MAP4K3: variants seen among roughly 807,000 people sequenced by gnomAD.
The protein encoded by MAP4K3 is MAPK/ERK kinase kinase kinase 3.
MAP4K3 carries 94 observed loss-of-function variants against 143.5 expected under a neutral mutation model. The observed-to-expected ratio is 0.65, with a 90% CI of 0.55 to 0.78. MAP4K3 has a LOEUF of 0.78. Among genes scored for constraint, MAP4K3 ranks in the 30% least tolerant of loss-of-function variants. The pLI is 0.00. For missense variants in MAP4K3, 1,077 were observed against 1,068.1 expected (o/e 1.01, Z -0.12); for synonymous variants, 416 against 347.2 (o/e 1.20, Z -2.20).
rs1354562126 is a variant in MAP4K3 at position 39,268,197 on chromosome 2, C to G, written c.1974-950G>C. On this transcript the variant is annotated intron_variant, in intron 26 of 33. Coordinates refer to ENST00000263881, the MANE Select transcript of MAP4K3 (RefSeq NM_003618.4). ...AATCAATTCTGAATTTTTTTAAAAA[C>G]TACAATTTAAAAACTACACATACAC... Among the ~76,000 whole-genome samples the G allele has an allele frequency of 2.0e-5, 3 of 151,984 alleles. No homozygotes were observed. In the South Asian group the frequency reaches 6.2e-4, roughly 32 times the overall value.
chr2:39,363,335 G>C (rs574433663), intron 2 of MAP4K3, among the ~76,000 whole-genome samples: 35 of 152,122 alleles, frequency 2.3e-4, no homozygotes, highest in Non-Finnish European at 4.6e-4. Flanking sequence ...CTCCTACAAT[G>C]CAACAGCAAA....
chr2:39,425,924 T>C (rs1390845828), intron 1 of MAP4K3, among the ~76,000 whole-genome samples: 1 of 152,226 alleles, frequency 6.6e-6, no homozygotes, highest in Non-Finnish European at 1.5e-5. Context: ...ACCATTATAG[T>C]AATAATTCAA....
intron 7 of MAP4K3, 101 bp downstream of exon 7, chr2:39,333,431 C>G (rs530763510): frequency 2.5e-6 from 2 of 813,810 alleles, no homozygotes; most frequent in South Asian, 3.3e-5. Context: ...TACACAGATG[C>G]CGTCTTAGGA....
At chr2:39,399,318 A>G (rs576854540) in intron 1 of MAP4K3, among the ~76,000 whole-genome samples, 79 of 152,356 alleles carry the variant, frequency 5.2e-4, no homozygotes, top group African/African-American at 1.9e-3. Context: ...AAGGTTTTTA[A>G]TAACAGCCAG....
At chr2:39,321,584 G>C (rs1683305664) in intron 12 of MAP4K3, among the ~76,000 whole-genome samples, 2 of 152,078 alleles carry the variant, frequency 1.3e-5, no homozygotes, top group Non-Finnish European at 2.9e-5. Flanking sequence ...ACCCATAAAG[G>C]GTCTGTAATG....
At chr2:39,284,517 C>T (rs1681679568) in intron 21 of MAP4K3, among the ~76,000 whole-genome samples, 1 of 152,038 alleles carries the variant, frequency 6.6e-6, no homozygotes, top group Non-Finnish European at 1.5e-5. Flanking sequence ...TCAGATTTAA[C>T]CTAAGCACTA....
At chr2:39,417,606 C>T (rs1667421362) in intron 1 of MAP4K3, among the ~76,000 whole-genome samples, 1 of 152,112 alleles carries the variant, frequency 6.6e-6, no homozygotes, top group African/African-American at 2.4e-5. Flanking sequence ...TAGATTAGAT[C>T]AAGAGATATC....
rs1180637899 is a variant in MAP4K3, at chr2:39,325,937, G to A, written c.687C>T (p.Ser229=). The A allele has an allele frequency of 2.5e-6, 4 of 1,593,928 alleles. No homozygotes were observed. Among genetic ancestry groups the A allele is most frequent in the Non-Finnish European group, 3.4e-6 (4 of 1,164,830 alleles). ...PMRALFLMTK[S]NFQPPKLKDK... ...CCTTTAGTTTAGGAGGCTGAAAATT[G>A]CTTTTTGTCATTAGAAATAATGCTC... Residue 229 remains serine, a synonymous_variant, in exon 10 of 34, where the codon AGC becomes AGT. Coordinates refer to ENST00000263881, the MANE Select transcript of MAP4K3 (RefSeq NM_003618.4).
chr2:39,365,642 C>T (rs1665902210), intron 2 of MAP4K3, among the ~76,000 whole-genome samples: 1 of 151,020 alleles, frequency 6.6e-6, no homozygotes, highest in South Asian at 2.1e-4. Context: ...GACGGGGTTT[C>T]ACCTTGTTAG....
intron 24 of MAP4K3, among the ~76,000 whole-genome samples, chr2:39,277,196 T>C (rs12712634): frequency 0.69 from 105,015 of 152,134 alleles, 40,282 homozygotes; most frequent in Non-Finnish European, 0.85. Flanking sequence ...GTTTGGCTTC[T>C]GCCTGCCTAC....
At chr2:39,426,137 C>T (rs1665070439) in intron 1 of MAP4K3, among the ~76,000 whole-genome samples, 1 of 152,180 alleles carries the variant, frequency 6.6e-6, no homozygotes, top group Non-Finnish European at 1.5e-5. Flanking sequence ...ACATCATGTT[C>T]TTCCTGATAC....
chr2:39,429,000 G>A (rs1055921844), intron 1 of MAP4K3, among the ~76,000 whole-genome samples: 1 of 147,874 alleles, frequency 6.8e-6, no homozygotes, highest in Non-Finnish European at 1.5e-5. Flanking sequence ...AGGAGGCGGA[G>A]GTTGCAGCGA....
intron 2 of MAP4K3, among the ~76,000 whole-genome samples, chr2:39,376,601 T>C (rs891912572): frequency 2.6e-5 from 4 of 152,150 alleles, no homozygotes. Flanking sequence ...GGGGCACAAA[T>C]TTGATTAAAA....
chr2:39,303,555 T>C (rs1042979152), intron 15 of MAP4K3, among the ~76,000 whole-genome samples: 3 of 152,218 alleles, frequency 2.0e-5, no homozygotes, highest in African/African-American at 4.8e-5. Flanking sequence ...TTGTTTGTTT[T>C]TGAGATGCAG....
chr2:39,395,328 TACACACACACACAC>T (rs10549757), intron 1 of MAP4K3, among the ~76,000 whole-genome samples: 6 of 149,692 alleles, frequency 4.0e-5, no homozygotes, highest in Non-Finnish European at 5.9e-5. Context: ...CACGTACACA[TACACACACACACAC>T]ACACACACAC....
At chr2:39,273,072 A>G (rs547219406) in intron 24 of MAP4K3, among the ~76,000 whole-genome samples, 1 of 152,274 alleles carries the variant, frequency 6.6e-6, no homozygotes, top group East Asian at 1.9e-4. Flanking sequence ...ATATATATAT[A>G]TATGAAATTT....
chr2:39,414,834 G>A (rs777517776), intron 1 of MAP4K3, among the ~76,000 whole-genome samples: 1 of 151,046 alleles, frequency 6.6e-6, no homozygotes, highest in African/African-American at 2.4e-5. Context: ...CTGAGATGAC[G>A]CCACTGCACT....
Position 39,436,960 on chromosome 2 carries a change from G to T in MAP4K3, c.28C>A (p.Arg10=). 1 of 1,612,584 alleles carries T rather than the reference G, an allele frequency of 6.2e-7. No individual in the cohort carries two copies. The highest frequency in any genetic ancestry group is 8.5e-7 in the Non-Finnish European group (1 of 1,179,376). Residue 10 remains arginine (R), a synonymous_variant, in exon 1 of 34, where the codon CGG becomes AGG. Coordinates refer to ENST00000263881, the MANE Select transcript of MAP4K3 (RefSeq NM_003618.4). ...AGCTCGAAGTCCTCCTGCGGGTTCC[G>T]GCGGGACAAATCGAAGCCGGGGTTC... The part of the protein sequence containing the change: MNPGFDLSR[R]NPQEDFELIQ...
At chr2:39,263,986 A>G (rs1315013818) in intron 28 of MAP4K3, among the ~76,000 whole-genome samples, 1 of 152,252 alleles carries the variant, frequency 6.6e-6, no homozygotes, top group Non-Finnish European at 1.5e-5. Context: ...GTTAATCAGT[A>G]TATCAGTATA....
Sources: gnomAD v4.1 joint callset for allele counts (sites outside exome capture counted in the v4.1 genomes callset) on GRCh38, gnomAD v4.1.1 for gene constraint, MANE v1.5 for transcripts, NCBI Gene and HGNC (gene_info 2026-07-23, HGNC 2026-07-21) for gene names.